Variants in PPP4R4 observed in about 807,000 individuals in gnomAD.
The protein encoded by PPP4R4 is serine/threonine-protein phosphatase 4 regulatory subunit 4.
Under a neutral mutation model 121.8 loss-of-function variants are expected in PPP4R4, and 70 were observed. The ratio of observed to expected loss-of-function variants is 0.57; its 90% CI spans 0.47 to 0.70. PPP4R4 has a LOEUF of 0.70. PPP4R4 is among the 30% of genes least tolerant of loss of function. PPP4R4 has a pLI of 0.00. For missense variants in PPP4R4, 875 were observed against 1,033.6 expected, an observed-to-expected ratio of 0.85 and a Z score of 2.10; for synonymous variants, 348 against 355.7, an observed-to-expected ratio of 0.98 and a Z score of 0.24.
intron 19 of PPP4R4, among the ~76,000 whole-genome samples, chr14:94,261,201 C>G (rs890115724): frequency 6.6e-6 from 1 of 152,056 alleles, no homozygotes; most frequent in Non-Finnish European, 1.5e-5. Flanking sequence ...TTATAGCGTT[C>G]TTGAAATTTG....
At chr14:94,233,888 T>A (rs185460488) in intron 6 of PPP4R4, 129 bp downstream of exon 6, 1 of 648,984 alleles carries the variant, frequency 1.5e-6, no homozygotes, top group Non-Finnish European at 2.6e-6. Context: ...ATTTTAACTT[T>A]ATGGAATTCT....
At chr14:94,228,678 T>TGAA (rs1891853794) in intron 3 of PPP4R4, among the ~76,000 whole-genome samples, 1 of 152,076 alleles carries the variant, frequency 6.6e-6, no homozygotes, top group Non-Finnish European at 1.5e-5. Flanking sequence ...AAAATGTGTG[T>TGAA]GAAGGGAGAG....
chr14:94,241,506 A>G (rs184849553), intron 9 of PPP4R4, among the ~76,000 whole-genome samples: 3 of 152,210 alleles, frequency 2.0e-5, no homozygotes, highest in East Asian at 3.9e-4. Flanking sequence ...TTAGTGGCCT[A>G]CAATATGATA....
intron 2 of PPP4R4, among the ~76,000 whole-genome samples, chr14:94,180,697 C>T (rs569977543): frequency 6.6e-6 from 1 of 150,440 alleles, no homozygotes; most frequent in Non-Finnish European, 1.5e-5. Context: ...TCACAGTGCT[C>T]TAACTCCTGG....
At position 94,267,014 on chromosome 14, in the gene PPP4R4, G is replaced by A. The variant is rs374176265; in HGVS notation, c.2434G>A (p.Val812Met). ...TGTCTCAGGGTTAGGAAAGACTTCT[G>A]TGCTTTCACTAGCTGGTAAGTAGCA... ...TSVSGLGKTS[V>M]LSLADDSFRT... Residue 812 changes from valine (V) to methionine (M), a missense_variant, in exon 23 of 25, where the codon GTG (valine) becomes ATG (methionine). By Grantham distance (21) the Val-to-Met change is conservative. Coordinates refer to ENST00000304338, the MANE Select transcript of PPP4R4 (RefSeq NM_058237.2). The A allele has an allele frequency of 3.8e-6, 6 of 1,594,120 alleles. No individual in the cohort carries two copies. Among genetic ancestry groups the A allele is most frequent in the Middle Eastern group, 1.7e-4 (1 of 6,038 alleles).
chr14:94,176,419 C>T (rs571112974), intron 2 of PPP4R4, among the ~76,000 whole-genome samples: 3 of 152,090 alleles, frequency 2.0e-5, no homozygotes, highest in Admixed American at 2.0e-4. Flanking sequence ...GTTTTTCTCG[C>T]GTAAGATTCA....
chr14:94,221,037 A>G (rs1286274967), intron 3 of PPP4R4, among the ~76,000 whole-genome samples: 3 of 152,160 alleles, frequency 2.0e-5, no homozygotes, highest in African/African-American at 7.2e-5. Flanking sequence ...GTGTAAAGAC[A>G]GATAAAGTAA....
chr14:94,229,571 C>T (rs1891900174), intron 3 of PPP4R4, among the ~76,000 whole-genome samples: 2 of 152,066 alleles, frequency 1.3e-5, no homozygotes, highest in Admixed American at 1.3e-4. Context: ...GTTCATTTTG[C>T]ACAAGTTGAT....
rs374780350 is a variant in PPP4R4, at chr14:94,192,081, A to G, written c.191+15954A>G. On this transcript the variant is annotated intron_variant, in intron 2 of 24. Coordinates refer to ENST00000304338, the MANE Select transcript of PPP4R4 (RefSeq NM_058237.2). ...GTATGTAAAGTGCCTTGTATAGCACATAGTAGGCCCTTAAATGTTAACTTT... is the reference window on the plus strand; with the variant it reads ...GTATGTAAAGTGCCTTGTATAGCACGTAGTAGGCCCTTAAATGTTAACTTT... Among the ~76,000 whole-genome samples, 58 of 152,292 alleles carry G rather than the reference A, an allele frequency of 3.8e-4. No homozygotes were observed. The South Asian group carries it at 6.0e-3, about 16-fold the overall frequency.
At chr14:94,271,338 G>A (rs1361461696) in intron 23 of PPP4R4, among the ~76,000 whole-genome samples, 1 of 152,134 alleles carries the variant, frequency 6.6e-6, no homozygotes, top group African/African-American at 2.4e-5. Context: ...ATTTATAACA[G>A]TTATAGAAGA....
chr14:94,176,145 T>C lies in PPP4R4; in HGVS notation c.191+18T>C. Reference sequence around the variant, plus strand: ...CTGCTCAGGTATTTCCTAGTCTTTCTGTGAAATTGCTCTTCTTTTTTCCCT... The same window carrying C: ...CTGCTCAGGTATTTCCTAGTCTTTCCGTGAAATTGCTCTTCTTTTTTCCCT... On this transcript the variant is annotated intron_variant, in intron 2 of 24. Coordinates refer to ENST00000304338, the MANE Select transcript of PPP4R4 (RefSeq NM_058237.2). The C allele has an allele frequency of 6.3e-7, 1 of 1,582,814 alleles. No individual in the cohort carries two copies. The highest frequency in any genetic ancestry group is 1.1e-5 in the South Asian group (1 of 90,468).
intron 2 of PPP4R4, among the ~76,000 whole-genome samples, chr14:94,179,474 A>G (rs1888859059): frequency 6.6e-6 from 1 of 152,174 alleles, no homozygotes; most frequent in African/African-American, 2.4e-5. Flanking sequence ...TCATCAGTTG[A>G]TGGATATTGG....
At chr14:94,231,036 A>C (rs1892004560) in intron 4 of PPP4R4, among the ~76,000 whole-genome samples, 1 of 152,248 alleles carries the variant, frequency 6.6e-6, no homozygotes, top group Admixed American at 6.5e-5. Flanking sequence ...CCTTGGTTTA[A>C]AGATATCTCA....
At chr14:94,191,391 A>G (rs905071350) in intron 2 of PPP4R4, among the ~76,000 whole-genome samples, 1 of 152,110 alleles carries the variant, frequency 6.6e-6, no homozygotes, top group African/African-American at 2.4e-5. Context: ...AATTGTATGT[A>G]TTTATGGGAT....
At chr14:94,196,821 C>A (rs1024304853) in intron 2 of PPP4R4, among the ~76,000 whole-genome samples, 1 of 151,918 alleles carries the variant, frequency 6.6e-6, no homozygotes, top group Admixed American at 6.5e-5. Flanking sequence ...TTAAAAATTT[C>A]TTTGCTTGTG....
intron 3 of PPP4R4, among the ~76,000 whole-genome samples, chr14:94,214,159 C>A (rs1055003692): frequency 1.3e-5 from 2 of 152,134 alleles, no homozygotes; most frequent in Non-Finnish European, 2.9e-5. Context: ...ATATAAATAT[C>A]TACCTGAAAG....
chr14:94,221,713 T>C (rs961877751), intron 3 of PPP4R4, among the ~76,000 whole-genome samples: 1 of 152,044 alleles, frequency 6.6e-6, no homozygotes, highest in Non-Finnish European at 1.5e-5. Flanking sequence ...ATACGAAGTA[T>C]TGTGGAAGAC....
chr14:94,273,342 T>A (rs929589014), intron 23 of PPP4R4, among the ~76,000 whole-genome samples: 7 of 152,096 alleles, frequency 4.6e-5, no homozygotes, highest in Admixed American at 3.9e-4. Flanking sequence ...TGAAGAAACC[T>A]TAAATACATA....
chr14:94,229,918 T>C (rs1891922138), intron 3 of PPP4R4, among the ~76,000 whole-genome samples: 1 of 152,224 alleles, frequency 6.6e-6, no homozygotes, highest in Non-Finnish European at 1.5e-5. Flanking sequence ...GATAGTTTTT[T>C]TGACCCTTTG....
Sources: gnomAD v4.1 joint callset for allele counts (sites outside exome capture counted in the v4.1 genomes callset) on GRCh38, gnomAD v4.1.1 for gene constraint, MANE v1.5 for transcripts, NCBI Gene and HGNC (gene_info 2026-07-23, HGNC 2026-07-21) for gene names.